The following PITPNC1 variants were observed in gnomAD, a reference collection of about 807,000 sequenced individuals.
The protein encoded by PITPNC1 is phosphatidylinositol transfer protein cytoplasmic 1.
Under a neutral mutation model 44.7 loss-of-function variants are expected in PITPNC1, and 18 were observed. That is an observed-to-expected ratio of 0.40 (90% confidence interval 0.28 to 0.60). The LOEUF (loss-of-function observed/expected upper bound fraction) is 0.60. Among genes scored for constraint, PITPNC1 ranks in the 20% least tolerant of loss-of-function variants. PITPNC1 has a pLI of 0.39. For missense variants in PITPNC1, 290 were observed against 418.4 expected, an observed-to-expected ratio of 0.69 and a Z score of 2.68; for synonymous variants, 141 against 149.6, an observed-to-expected ratio of 0.94 and a Z score of 0.42.
intron 1 of PITPNC1, among the ~76,000 whole-genome samples, chr17:67,531,379 C>T (rs548860040): frequency 2.6e-5 from 4 of 152,206 alleles, no homozygotes; most frequent in African/African-American, 9.6e-5. Flanking sequence ...ACGTTAAAAG[C>T]GTTTTCATGT....
At chr17:67,442,362 T>C (rs1443505640) in intron 1 of PITPNC1, among the ~76,000 whole-genome samples, 1 of 150,204 alleles carries the variant, frequency 6.7e-6, no homozygotes, top group East Asian at 2.0e-4. Context: ...TGTAATCCTA[T>C]TATTGTCAAC....
At chr17:67,688,931 G>A (rs935423253) in intron 8 of PITPNC1, among the ~76,000 whole-genome samples, 8 of 152,266 alleles carry the variant, frequency 5.3e-5, no homozygotes, top group Non-Finnish European at 1.2e-4. Context: ...GGCTGGGTGC[G>A]GTGGCTCACG....
At chr17:67,616,681 A>T (rs1198050620) in intron 5 of PITPNC1, among the ~76,000 whole-genome samples, 1 of 152,082 alleles carries the variant, frequency 6.6e-6, no homozygotes, top group Non-Finnish European at 1.5e-5. Context: ...CTTTTTAGAC[A>T]CAAACCCTGG....
intron 5 of PITPNC1, among the ~76,000 whole-genome samples, chr17:67,584,257 CAT>C (rs2041279920): frequency 6.6e-6 from 1 of 152,160 alleles, no homozygotes; most frequent in South Asian, 2.1e-4. Flanking sequence ...ACCTGGGTAA[CAT>C]ATGTGTTCTC....
At chr17:67,429,681 G>A (rs1420310837) in intron 1 of PITPNC1, among the ~76,000 whole-genome samples, 1 of 146,184 alleles carries the variant, frequency 6.8e-6, no homozygotes, top group African/African-American at 2.5e-5. Context: ...CTGGATGAAA[G>A]AGCAAAACTC....
At chr17:67,543,008 G>GC (rs1568033731) in intron 2 of PITPNC1, among the ~76,000 whole-genome samples, 1 of 152,190 alleles carries the variant, frequency 6.6e-6, no homozygotes, top group Non-Finnish European at 1.5e-5. Flanking sequence ...GGGATGAGTG[G>GC]CAGACAGGCC....
chr17:67,645,266 T>C (rs908012998), intron 6 of PITPNC1, among the ~76,000 whole-genome samples: 13 of 149,230 alleles, frequency 8.7e-5, no homozygotes, highest in African/African-American at 3.2e-4. Context: ...ACTTGAACCC[T>C]GAAGGCGGAG....
chr17:67,466,597 G>C (rs114281705), intron 1 of PITPNC1, among the ~76,000 whole-genome samples: 138 of 152,220 alleles, frequency 9.1e-4, no homozygotes, highest in African/African-American at 3.0e-3. Flanking sequence ...TCCTCTAAGA[G>C]TCCCACTTCA....
chr17:67,689,658 T>G (rs901767894), intron 8 of PITPNC1, among the ~76,000 whole-genome samples: 1 of 152,204 alleles, frequency 6.6e-6, no homozygotes, highest in African/African-American at 2.4e-5. Flanking sequence ...TCTTTTCAAT[T>G]GAGCAGGTTC....
At position 67,513,232 on chromosome 17, in the gene PITPNC1, C is replaced by T. The variant is rs1023811459; in HGVS notation, c.49-19570C>T. Among the ~76,000 whole-genome samples the T allele has an allele frequency of 5.9e-5, 9 of 151,704 alleles. No individual in the cohort carries two copies. The East Asian group carries it at 1.4e-3, about 23-fold the overall frequency. The stretch of plus-strand genomic sequence containing the variant: ...TACAAAAATTAGCCAGGCATGGCGG[C>T]GGGCGACTGTAATCCCAGCTACTCG... On this transcript the variant is annotated intron_variant, in intron 1 of 8. Coordinates refer to ENST00000581322, the MANE Select transcript of PITPNC1 (RefSeq NM_012417.4).
intron 5 of PITPNC1, among the ~76,000 whole-genome samples, chr17:67,618,132 G>A (rs745449794): frequency 3.9e-5 from 6 of 152,068 alleles, no homozygotes; most frequent in Admixed American, 6.6e-5. Flanking sequence ...AGACCAAGGC[G>A]GGGGGTGGAT....
At chr17:67,656,055 G>A (rs2042263592) in intron 6 of PITPNC1, among the ~76,000 whole-genome samples, 1 of 152,226 alleles carries the variant, frequency 6.6e-6, no homozygotes, top group South Asian at 2.1e-4. Context: ...CTCAGCTTCA[G>A]GTTCCTCATC....
chr17:67,664,231 C>T (rs143419552), intron 6 of PITPNC1, among the ~76,000 whole-genome samples: 2,519 of 152,254 alleles, frequency 0.017, 77 homozygotes, highest in African/African-American at 0.057. Context: ...TCCCAAAGTG[C>T]TGGGATTACA....
intron 1 of PITPNC1, among the ~76,000 whole-genome samples, chr17:67,399,504 C>T (rs148988026): frequency 3.4e-4 from 52 of 152,284 alleles, no homozygotes; most frequent in African/African-American, 1.2e-3. Context: ...CTTTACCACA[C>T]ATTTTGAACT....
intron 1 of PITPNC1, among the ~76,000 whole-genome samples, chr17:67,458,515 G>C (rs1052840396): frequency 6.6e-6 from 1 of 151,958 alleles, no homozygotes; most frequent in African/African-American, 2.4e-5. Context: ...AGTACCATTT[G>C]GCTTGTTTTC....
intron 6 of PITPNC1, among the ~76,000 whole-genome samples, chr17:67,648,292 G>A (rs1261484050): frequency 6.6e-6 from 1 of 152,086 alleles, no homozygotes; most frequent in Non-Finnish European, 1.5e-5. Context: ...GTAGATCCTC[G>A]GTAGGAATGC....
At chr17:67,447,084 T>C (rs867369219) in intron 1 of PITPNC1, among the ~76,000 whole-genome samples, 1 of 79,042 alleles carries the variant, frequency 1.3e-5, no homozygotes, top group Non-Finnish European at 2.6e-5. Flanking sequence ...AGTGAGACTC[T>C]GTCTCAAAAA....
chr17:67,645,343 G>GAAAA (rs57827214), intron 6 of PITPNC1, among the ~76,000 whole-genome samples: 2 of 81,302 alleles, frequency 2.5e-5, no homozygotes, highest in Non-Finnish European at 5.3e-5. Flanking sequence ...CTCCATCTCA[G>GAAAA]AAAAAAAAAA....
At chr17:67,682,117 C>G (rs1305857875) in intron 8 of PITPNC1, among the ~76,000 whole-genome samples, 2 of 152,060 alleles carry the variant, frequency 1.3e-5, no homozygotes, top group Non-Finnish European at 2.9e-5. Context: ...AGGAGAATCG[C>G]TTGAACCTGG....
Sources: gnomAD v4.1 joint callset for allele counts (sites outside exome capture counted in the v4.1 genomes callset) on GRCh38, gnomAD v4.1.1 for gene constraint, MANE v1.5 for transcripts, NCBI Gene and HGNC (gene_info 2026-07-23, HGNC 2026-07-21) for gene names.